RORB: variants seen among roughly 807,000 people sequenced by gnomAD.
RORB encodes the protein RAR related orphan receptor B.
Under a neutral mutation model 59.1 loss-of-function variants are expected in RORB, and 6 were observed. The observed-to-expected ratio is 0.10, with a 90% CI of 0.06 to 0.20. The LOEUF is 0.20. RORB is among the 10% of genes least tolerant of loss of function. The pLI is 1.00. For synonymous variants in RORB, 215 were observed against 204.5 expected (o/e 1.05, Z -0.44); for missense variants, 320 against 560.5 (o/e 0.57, Z 4.33).
chr9:74,550,413 A>T (rs910705626), intron 1 of RORB, among the ~76,000 whole-genome samples: 4 of 152,056 alleles, frequency 2.6e-5, no homozygotes, highest in African/African-American at 9.7e-5. Flanking sequence ...AGAAATTCTC[A>T]TTTAGCAGAC....
intron 1 of RORB, among the ~76,000 whole-genome samples, chr9:74,548,051 G>A (rs1826529314): frequency 6.6e-6 from 1 of 152,146 alleles, no homozygotes; most frequent in Non-Finnish European, 1.5e-5. Context: ...TTTAAAGAAA[G>A]AACAAATAGG....
At chr9:74,592,372 T>A (rs534806691) in intron 1 of RORB, among the ~76,000 whole-genome samples, 50 of 152,222 alleles carry the variant, frequency 3.3e-4, no homozygotes, top group Non-Finnish European at 6.2e-4. Flanking sequence ...AGCACTGCCC[T>A]GGGAGATTTC....
At chr9:74,638,985 G>T (rs1034164471) in intron 3 of RORB, among the ~76,000 whole-genome samples, 54 of 152,206 alleles carry the variant, frequency 3.5e-4, no homozygotes, top group African/African-American at 1.2e-3. Flanking sequence ...TGTAAAAAAT[G>T]CAGAGCTTTT....
rs1762314765 is a variant in RORB at position 74,689,513 on chromosome 9, G to T, written c.*3895G>T. The T allele has an allele frequency of 6.6e-6, 1 of 152,264 alleles. No individual in the cohort carries two copies. Among genetic ancestry groups the T allele is most frequent in the South Asian group, 2.1e-4 (1 of 4,812 alleles). The allele number at this position is 152,264 out of a possible 1,614,324, so 9.4% of individuals were successfully genotyped here. ...TTTTAGCACTGTGTTCAGGGCTCTG[G>T]ACTAAAGTACCTCTGAGTAGGTAAA... On this transcript the variant is annotated 3_prime_UTR_variant, in exon 10 of 10. Transcript: ENST00000376896.
At chr9:74,526,325 A>G (rs1303213258) in intron 1 of RORB, among the ~76,000 whole-genome samples, 1 of 151,884 alleles carries the variant, frequency 6.6e-6, no homozygotes, top group African/African-American at 2.4e-5. Flanking sequence ...ACATTTAACT[A>G]TGTGGCTTGA....
intron 4 of RORB, among the ~76,000 whole-genome samples, chr9:74,657,262 TC>T (rs1824099657): frequency 6.6e-6 from 1 of 152,106 alleles, no homozygotes; most frequent in African/African-American, 2.4e-5. Flanking sequence ...AGATGGGGTT[TC>T]ACCATGTTGG....
At chr9:74,568,537 T>C (rs1822501276) in intron 1 of RORB, among the ~76,000 whole-genome samples, 1 of 151,660 alleles carries the variant, frequency 6.6e-6, no homozygotes, top group Admixed American at 6.6e-5. Context: ...CCGTCTCTAC[T>C]AAAAATACAA....
chr9:74,605,313 G>T (rs189855032), intron 1 of RORB, among the ~76,000 whole-genome samples: 1 of 152,298 alleles, frequency 6.6e-6, no homozygotes, highest in Non-Finnish European at 1.5e-5. Flanking sequence ...TTTCACGAGG[G>T]TTAGGAGGAT....
chr9:74,500,569 G>C (rs1825792381), intron 1 of RORB, among the ~76,000 whole-genome samples: 1 of 152,114 alleles, frequency 6.6e-6, no homozygotes. Flanking sequence ...TCCATTCCCA[G>C]GTGGTCCTAG....
intron 1 of RORB, among the ~76,000 whole-genome samples, chr9:74,620,360 T>A (rs10781242): frequency 0.42 from 63,287 of 152,062 alleles, 14,457 homozygotes; most frequent in East Asian, 0.76. Context: ...CTGATGGTAG[T>A]TTGCATTTCT....
At chr9:74,515,431 T>C (rs1053686471) in intron 1 of RORB, among the ~76,000 whole-genome samples, 7 of 152,104 alleles carry the variant, frequency 4.6e-5, no homozygotes, top group Admixed American at 3.9e-4. Flanking sequence ...ATTATACCCA[T>C]TGTGTTTTTT....
At position 74,613,818 on chromosome 9, in the gene RORB, A is replaced by T. The variant is rs576853074; in HGVS notation, c.8-16464A>T. Among the ~76,000 whole-genome samples the T allele has an allele frequency of 6.0e-4, 91 of 152,346 alleles. 1 individual carries two copies. Among genetic ancestry groups the T allele is most frequent in the Admixed American group, 2.0e-3 (30 of 15,308 alleles). Reference sequence around the variant, plus strand: ...AAGAGAAGACAGGAATAAAAGGAGGATTAACAAACCATTTGCTTTCTGTTC... The same window carrying T: ...AAGAGAAGACAGGAATAAAAGGAGGTTTAACAAACCATTTGCTTTCTGTTC... On this transcript the variant is annotated intron_variant, in intron 1 of 9. Coordinates refer to ENST00000376896, the MANE Select transcript of RORB (RefSeq NM_006914.4).
intron 4 of RORB, among the ~76,000 whole-genome samples, chr9:74,653,455 C>T (rs1020907150): frequency 6.7e-6 from 1 of 148,248 alleles, no homozygotes; most frequent in Admixed American, 6.7e-5. Context: ...ATACTTCCAA[C>T]TTTAAAAAAA....
chr9:74,648,537 G>A (rs1823938314), intron 4 of RORB, among the ~76,000 whole-genome samples: 1 of 152,186 alleles, frequency 6.6e-6, no homozygotes, highest in Non-Finnish European at 1.5e-5. Flanking sequence ...AAGCAACTAA[G>A]CAATTCTGAA....
rs760618302 is a variant in RORB at position 74,660,612 on chromosome 9, C to T, written c.638-5C>T. The T allele has an allele frequency of 1.2e-6, 2 of 1,604,124 alleles. No homozygotes were observed. Among genetic ancestry groups the T allele is most frequent in the Non-Finnish European group, 1.7e-6 (2 of 1,176,794 alleles). On this transcript the variant is annotated splice_region_variant and splice_polypyrimidine_tract_variant and intron_variant, in intron 4 of 9. Transcript: ENST00000376896. The stretch of plus-strand genomic sequence containing the variant: ...AAACCTTTGAATTGATATCTTTTCT[C>T]ACAGACCGAATTGCACAGAACATCA...
intron 9 of RORB, among the ~76,000 whole-genome samples, chr9:74,672,927 G>T (rs1386399017): frequency 1.3e-5 from 2 of 152,138 alleles, no homozygotes; most frequent in Non-Finnish European, 2.9e-5. Context: ...GGATGGTAAA[G>T]ACTCTATTTG....
At position 74,685,719 on chromosome 9, in the gene RORB, T is replaced by C. The variant is rs2118584002; in HGVS notation, c.*101T>C. ...AAGAAAAATGTCACTACTGCAACAT[T>C]AGGAATGTCCTGCACTTAATAGAAT... is the stretch of plus-strand genomic sequence containing the variant. On this transcript the variant is annotated 3_prime_UTR_variant, in exon 10 of 10. Transcript: ENST00000376896. The C allele has an allele frequency of 2.3e-6, 2 of 862,376 alleles. No individual in the cohort carries two copies. The highest frequency in any genetic ancestry group is 5.3e-5 in the Admixed American group (2 of 37,460). The allele number at this position is 862,376 out of a possible 1,614,324, so 53.4% of individuals were successfully genotyped here. A position where few individuals can be genotyped will look rare whatever the true frequency, so the allele number is the denominator to read the frequency against.
intron 8 of RORB, among the ~76,000 whole-genome samples, chr9:74,668,440 A>C (rs1824300549): frequency 1.3e-5 from 2 of 152,196 alleles, no homozygotes; most frequent in African/African-American, 4.8e-5. Context: ...TGAACAATGC[A>C]GGGGTCAGAG....
At chr9:74,596,169 T>G (rs1269789350) in intron 1 of RORB, among the ~76,000 whole-genome samples, 1 of 152,168 alleles carries the variant, frequency 6.6e-6, no homozygotes, top group South Asian at 2.1e-4. Context: ...TTTTTCTCTA[T>G]GTCATTATGA....
Sources: gnomAD v4.1 joint callset for allele counts (sites outside exome capture counted in the v4.1 genomes callset) on GRCh38, gnomAD v4.1.1 for gene constraint, MANE v1.5 for transcripts, NCBI Gene and HGNC (gene_info 2026-07-23, HGNC 2026-07-21) for gene names.